CREB3: variants seen among roughly 807,000 people sequenced by gnomAD.
CREB3 encodes cyclic AMP-responsive element-binding protein 3.
In CREB3, 29 loss-of-function variants were observed where a neutral mutation model predicts 34.5. That is an observed-to-expected ratio of 0.84 (90% CI 0.63 to 1.15). The LOEUF is 1.15. Among genes scored for constraint, CREB3 ranks in the 50% most tolerant of loss-of-function variants. The pLI, the probability that CREB3 is intolerant of heterozygous loss-of-function variation, is 0.00. For synonymous variants in CREB3, 187 were observed against 173.9 expected, an observed-to-expected ratio of 1.08 and a Z score of -0.59; for missense variants, 447 against 443.4, an observed-to-expected ratio of 1.01 and a Z score of -0.07.
chr9:35,733,200 CTTTCCCTT>C lies in CREB3; in HGVS notation c.278-12_278-5del. The C allele has an allele frequency of 6.2e-7, 1 of 1,614,234 alleles. No individual in the cohort carries two copies. The highest frequency in any genetic ancestry group is 8.5e-7 in the Non-Finnish European group (1 of 1,180,044). On this transcript the variant is annotated splice_region_variant and splice_polypyrimidine_tract_variant and intron_variant, in intron 2 of 8. Coordinates refer to ENST00000353704, the MANE Select transcript of CREB3 (RefSeq NM_006368.5). ...GGGTTCATGGGCCTGGCTATTCATA[CTTTCCCTT>C]TTGCAGAGAGTGAGAGCTGTAGAAA...
At chr9:35,735,852 TTTGTTG>T (rs140460839) in intron 6 of CREB3, among the ~76,000 whole-genome samples, 190 bp from the exon 7 acceptor site, 114 of 152,186 alleles carry the variant, frequency 7.5e-4, no homozygotes, top group African/African-American at 2.5e-3. Context: ...GTTTTTGCTT[TTTGTTG>T]TTGTTGTTGT....
At chr9:35,733,569 C>T (rs1218612724) in intron 4 of CREB3, 84 bp downstream of exon 4, 1 of 925,872 alleles carries the variant, frequency 1.1e-6, no homozygotes, top group African/African-American at 1.7e-5. Context: ...ATATCAATAA[C>T]TTTAAAAAAG....
Position 35,733,439 on chromosome 9 carries a change from T to G in CREB3, c.389T>G (p.Leu130Trp). ...CTGACAGATGAGGAGAAGAGTCTAT[T>G]GGAGAAGGAGGGGCTTATTCTGCCT... is the stretch of plus-strand genomic sequence containing the variant. ...LVLTDEEKSLLEKEGLILPET... is the reference protein window; with the variant it reads ...LVLTDEEKSLWEKEGLILPET... The change falls in exon 4 of 9, where the codon TTG becomes TGG. Residue 130 changes from leucine to tryptophan, a missense_variant. Coordinates refer to ENST00000353704, the MANE Select transcript of CREB3 (RefSeq NM_006368.5). 6.2e-7 allele frequency: 1 copy of G among 1,613,892 alleles called. No individual in the cohort carries two copies. Among genetic ancestry groups the G allele is most frequent in the Non-Finnish European group, 8.5e-7 (1 of 1,179,772 alleles).
intron 8 of CREB3, 39 bp downstream of exon 8, chr9:35,736,350 G>T (rs756189361): frequency 1.2e-6 from 2 of 1,613,266 alleles, no homozygotes; most frequent in Non-Finnish European, 1.7e-6. Flanking sequence ...AGGGCAAGGG[G>T]AGAGGTCTGG....
intron 4 of CREB3, among the ~76,000 whole-genome samples, chr9:35,734,905 G>GT (rs973643433): frequency 8.6e-5 from 13 of 150,336 alleles, no homozygotes; most frequent in Middle Eastern, 3.4e-3. Context: ...TGCCCGACCA[G>GT]TTTTTTTTTT....
In CREB3 at chr9:35,736,774, A is replaced by G. The variant is rs754426461; in HGVS notation, c.*48A>G. 1.2e-5 allele frequency: 18 copies of G among 1,506,862 alleles called. 1 individual carries two copies. In the Admixed American group the frequency reaches 3.3e-4, roughly 28 times the overall value. The allele number at this position is 1,506,862 out of a possible 1,614,324, so 93.3% of individuals were successfully genotyped here. On this transcript the variant is annotated 3_prime_UTR_variant, in exon 9 of 9. Coordinates refer to ENST00000353704, the MANE Select transcript of CREB3 (RefSeq NM_006368.5). ...TCAGCAGGAGCCTGGGGGGCTCCCCATCTGTGTCCAAATAAAAAGCGGTGG... is the reference window on the plus strand; with the variant it reads ...TCAGCAGGAGCCTGGGGGGCTCCCCGTCTGTGTCCAAATAAAAAGCGGTGG...
At chr9:35,736,359 G>T in intron 8 of CREB3, 33 bp from the exon 9 acceptor site, 1 of 1,613,038 alleles carries the variant, frequency 6.2e-7, no homozygotes, top group Non-Finnish European at 8.5e-7. Context: ...GGAGAGGTCT[G>T]GGTTGGCCTC....
Position 35,733,126 on chromosome 9 carries a change from CTG to C in CREB3, c.262_263del (p.Val88LeufsTer7), listed in dbSNP as rs778079873. The C allele has an allele frequency of 1.9e-6, 3 of 1,614,118 alleles. No individual in the cohort carries two copies. In the Admixed American group the frequency reaches 5.0e-5, roughly 27 times the overall value. On this transcript the variant is annotated frameshift_variant, in exon 2 of 9. Transcript: ENST00000353704. LOFTEE classifies it high-confidence loss of function. The stretch of plus-strand genomic sequence containing the variant: ...CACACCTACTCCCTCCCACGGGAAA[CTG>C]TCTCTATGGATCTAGGTGAGTCTGA...
Position 35,736,625 on chromosome 9 carries a change from C to G in CREB3, c.1015C>G (p.Arg339Gly). 6.2e-7 allele frequency: 1 copy of G among 1,613,876 alleles called. No individual in the cohort carries two copies. The highest frequency in any genetic ancestry group is 8.5e-7 in the Non-Finnish European group (1 of 1,180,026). Reference protein sequence around the residue: ...FPDLFSEPLCRGPILPLQANL... With the variant: ...FPDLFSEPLCGGPILPLQANL... Reference sequence around the variant, plus strand: ...TGACCTCTTCTCAGAGCCTCTCTGCCGAGGTCCCATCCTCCCCCTGCAGGC... The same window carrying G: ...TGACCTCTTCTCAGAGCCTCTCTGCGGAGGTCCCATCCTCCCCCTGCAGGC... The change falls in exon 9 of 9, where the codon CGA (arginine) becomes GGA (glycine). Residue 339 changes from arginine to glycine, a missense_variant. Transcript: ENST00000353704.
rs1826119901 is a variant in CREB3, at chr9:35,733,008, T to TG, written c.145dup (p.Glu49GlyfsTer4). 1 of 1,614,068 alleles carries TG rather than the reference T, an allele frequency of 6.2e-7. No individual in the cohort carries two copies. The highest frequency in any genetic ancestry group is 8.5e-7 in the Non-Finnish European group (1 of 1,180,032). On this transcript the variant is annotated frameshift_variant, in exon 2 of 9. Coordinates refer to ENST00000353704, the MANE Select transcript of CREB3 (RefSeq NM_006368.5). LOFTEE classifies it high-confidence loss of function. ...GAACCCTGCGCAGGTACCGAGCGAC[T>TG]GGGAAGTAGATGATTTGCTGTGCTC...
rs1588000107 is a variant in CREB3 at position 35,736,785 on chromosome 9, A to G, written c.*59A>G. The G allele has an allele frequency of 1.2e-5, 18 of 1,491,816 alleles. No individual in the cohort carries two copies. The highest frequency in any genetic ancestry group is 1.1e-4 in the East Asian group (5 of 44,046). The allele number at this position is 1,491,816 out of a possible 1,614,324, so 92.4% of individuals were successfully genotyped here. On this transcript the variant is annotated 3_prime_UTR_variant, in exon 9 of 9. Coordinates refer to ENST00000353704, the MANE Select transcript of CREB3 (RefSeq NM_006368.5). ...CTGGGGGGCTCCCCATCTGTGTCCA[A>G]ATAAAAAGCGGTGGGCAAGGGCTGG... is the stretch of plus-strand genomic sequence containing the variant.
At position 35,736,471 on chromosome 9, in the gene CREB3, G is replaced by T; in HGVS notation, c.861G>T (p.Pro287=). The T allele has an allele frequency of 1.9e-6, 3 of 1,614,130 alleles. No homozygotes were observed. Among genetic ancestry groups the T allele is most frequent in the East Asian group, 4.5e-5 (2 of 44,878 alleles). Residue 287 remains proline, a synonymous_variant, in exon 9 of 9, where the codon CCG becomes CCT. Transcript: ENST00000353704. The stretch of plus-strand genomic sequence containing the variant: ...TGCCTGCCCTGCAGTCAGAAGTGCC[G>T]AAAGACAGCACACACCAGTGGTTGG... The part of the protein sequence containing the change: ...LELPALQSEV[P]KDSTHQWLDG...
Position 35,733,155 on chromosome 9 carries a change from A to C in CREB3, c.277+12A>C. On this transcript the variant is annotated intron_variant, in intron 2 of 8. Transcript: ENST00000353704. ...CTCTATGGATCTAGGTGAGTCTGAA[A>C]TAAGTTTGCGGGGAGGACAGGGTTC... The C allele has an allele frequency of 6.2e-7, 1 of 1,614,174 alleles. No homozygotes were observed. The highest frequency in any genetic ancestry group is 1.1e-5 in the South Asian group (1 of 91,082).
chr9:35,733,636 C>T (rs982798960), intron 4 of CREB3, 151 bp downstream of exon 4: 2 of 624,566 alleles, frequency 3.2e-6, no homozygotes, highest in African/African-American at 3.7e-5. Flanking sequence ...GGCAGGTACA[C>T]AATATGCCAG....
At chr9:35,734,081 C>T (rs1325799087) in intron 4 of CREB3, among the ~76,000 whole-genome samples, 1 of 152,024 alleles carries the variant, frequency 6.6e-6, no homozygotes, top group Non-Finnish European at 1.5e-5. Flanking sequence ...TTAGGTGATT[C>T]TCCCACCTCA....
chr9:35,734,301 G>A (rs1303317548), intron 4 of CREB3, among the ~76,000 whole-genome samples: 1 of 152,162 alleles, frequency 6.6e-6, no homozygotes, highest in African/African-American at 2.4e-5. Flanking sequence ...TGGCTACTAA[G>A]AAAGTTCATG....
intron 4 of CREB3, among the ~76,000 whole-genome samples, chr9:35,734,359 T>C (rs955699013): frequency 9.2e-5 from 14 of 152,188 alleles, no homozygotes; most frequent in Non-Finnish European, 1.3e-4. Flanking sequence ...CAAGTCACTC[T>C]CTTGCTTTCC....
Position 35,732,986 on chromosome 9 carries a change from C to T in CREB3, c.130-10C>T. ...TAAGGTCAAGGCCTGTTCATTGGAA[C>T]CCTGCGCAGGTACCGAGCGACTGGG... On this transcript the variant is annotated splice_polypyrimidine_tract_variant and intron_variant, in intron 1 of 8. Coordinates refer to ENST00000353704, the MANE Select transcript of CREB3 (RefSeq NM_006368.5). This position sits in a 1 kb window ranked among gnomAD's most constrained non-coding sequence, Gnocchi z 5.1. 1.2e-6 allele frequency: 2 copies of T among 1,613,980 alleles called. No homozygotes were observed. The highest frequency in any genetic ancestry group is 1.7e-6 in the Non-Finnish European group (2 of 1,179,884).
Position 35,733,476 on chromosome 9 carries a change from TCTCA to T in CREB3, c.429_432del (p.Thr144ArgfsTer7), listed in dbSNP as rs1221302201. The T allele has an allele frequency of 1.9e-6, 3 of 1,611,326 alleles. No homozygotes were observed. The highest frequency in any genetic ancestry group is 1.3e-5 in the African/African-American group (1 of 74,962). On this transcript the variant is annotated frameshift_variant, in exon 4 of 9. Transcript: ENST00000353704. LOFTEE classifies it high-confidence loss of function. Reference sequence around the variant, plus strand: ...GGCTTATTCTGCCTGAGACACTTCCTCTCACTAAGGTAAGACTCTCATTGGTTGA... The same window carrying T: ...GGCTTATTCTGCCTGAGACACTTCCTCTAAGGTAAGACTCTCATTGGTTGA...
Sources: gnomAD v4.1 joint callset for allele counts (sites outside exome capture counted in the v4.1 genomes callset) on GRCh38, gnomAD v4.1.1 for gene constraint, Gnocchi (gnomAD v3.1) non-coding constraint, MANE v1.5 for transcripts, NCBI Gene and HGNC (gene_info 2026-07-23, HGNC 2026-07-21) for gene names.